BLZF1: variants seen among roughly 807,000 people sequenced by gnomAD.
The protein encoded by BLZF1 is basic leucine zipper nuclear factor 1.
In BLZF1, 39 loss-of-function variants were observed where a neutral mutation model predicts 43.8. The observed-to-expected ratio is 0.89, with a 90% CI of 0.69 to 1.16. BLZF1 has a LOEUF of 1.16. Ranked by LOEUF, BLZF1 falls within the 50% of genes most tolerant of loss-of-function variation. The pLI, the probability that BLZF1 is intolerant of heterozygous loss-of-function variation, is 0.00. For synonymous variants in BLZF1, 136 were observed against 159.4 expected (o/e 0.85, Z 1.11); for missense variants, 449 against 469.8 (o/e 0.96, Z 0.41).
Position 169,369,531 on chromosome 1 carries a change from T to G in BLZF1, c.9T>G (p.Thr3=). 1 of 1,610,280 alleles carries G rather than the reference T, an allele frequency of 6.2e-7. No homozygotes were observed. Among genetic ancestry groups the G allele is most frequent in the Non-Finnish European group, 8.5e-7 (1 of 1,177,614 alleles). Residue 3 remains threonine, a synonymous_variant, in exon 2 of 7, where the codon ACT becomes ACG. Transcript: ENST00000367808. The part of the protein sequence containing the change: MT[T]KNLETKVTVT... ...GTGGTTAAGGTGAAAAAATGACTAC[T>G]AAAAATTTAGAAACCAAAGGTAAGT...
intron 2 of BLZF1, 102 bp from the exon 3 acceptor site, chr1:169,376,437 CT>C (rs1345145183): frequency 2.1e-6 from 2 of 948,318 alleles, no homozygotes; most frequent in African/African-American, 1.7e-5. Context: ...TTTTTGCATT[CT>C]TTTTAGTGCC....
chr1:169,393,431 T>TA (rs1012787752), intron 7 of BLZF1, among the ~76,000 whole-genome samples: 11 of 149,118 alleles, frequency 7.4e-5, no homozygotes, highest in East Asian at 2.0e-4. Context: ...CTACTAAAAA[T>TA]AAAAAAAAAT....
intron 4 of BLZF1, 121 bp downstream of exon 4, chr1:169,378,650 C>A: frequency 1.2e-6 from 1 of 847,500 alleles, no homozygotes; most frequent in Non-Finnish European, 1.8e-6. Flanking sequence ...CAGAGTACTT[C>A]ATTTAAGATG....
chr1:169,394,671 G>A (rs528913250), intron 7 of BLZF1, among the ~76,000 whole-genome samples: 1 of 152,106 alleles, frequency 6.6e-6, no homozygotes, highest in Non-Finnish European at 1.5e-5. Context: ...CTTGAACCAG[G>A]CTTGTTTAAG....
chr1:169,382,258 C>G lies in BLZF1; in HGVS notation c.994C>G (p.Pro332Ala). 1 of 1,613,502 alleles carries G rather than the reference C, an allele frequency of 6.2e-7. No homozygotes were observed. Among genetic ancestry groups the G allele is most frequent in the South Asian group, 1.1e-5 (1 of 91,060 alleles). ...ATCAACAGTTGAATTCTGCAGCACC[C>G]CAGCTGAGAAAATGGCTGAAACGGT... is the stretch of plus-strand genomic sequence containing the variant. ...IPSTVEFCSTPAEKMAETVLR... is the reference protein window; with the variant it reads ...IPSTVEFCSTAAEKMAETVLR... The change falls in exon 6 of 7, where the codon CCA (proline) becomes GCA (alanine). Residue 332 changes from proline to alanine, a missense_variant. Transcript: ENST00000367808.
chr1:169,368,810 T>A (rs1482341630), intron 1 of BLZF1, among the ~76,000 whole-genome samples: 4 of 152,208 alleles, frequency 2.6e-5, no homozygotes, highest in African/African-American at 7.2e-5. Context: ...TTTTTTGTAG[T>A]GAAACCAGTT....
chr1:169,373,333 T>A (rs1331635600), intron 2 of BLZF1, among the ~76,000 whole-genome samples: 2 of 152,188 alleles, frequency 1.3e-5, no homozygotes, highest in East Asian at 1.9e-4. Context: ...AGGATTGGTG[T>A]TTTTCTTGAC....
intron 6 of BLZF1, among the ~76,000 whole-genome samples, chr1:169,382,582 G>T (rs548262797): frequency 2.6e-5 from 4 of 152,132 alleles, no homozygotes; most frequent in African/African-American, 9.7e-5. Flanking sequence ...AAACCACTGT[G>T]TAGAATTTTT....
intron 6 of BLZF1, among the ~76,000 whole-genome samples, chr1:169,386,019 G>A (rs1654657416): frequency 6.6e-6 from 1 of 152,146 alleles, no homozygotes; most frequent in Admixed American, 6.5e-5. Flanking sequence ...GGGAAAATAG[G>A]AACATGAGAA....
rs759375514 is a variant in BLZF1, at chr1:169,382,281, G to T, written c.1017G>T (p.Thr339=). 6.2e-7 allele frequency: 1 copy of T among 1,611,508 alleles called. No homozygotes were observed. The highest frequency in any genetic ancestry group is 8.5e-7 in the Non-Finnish European group (1 of 1,178,420). Residue 339 remains threonine (T), a splice_region_variant and synonymous_variant, in exon 6 of 7, where the codon ACG becomes ACT. Transcript: ENST00000367808. The part of the protein sequence containing the change: ...CSTPAEKMAE[T]VLRILDPVTC... Reference sequence around the variant, plus strand: ...CCCCAGCTGAGAAAATGGCTGAAACGGTAAAATATTTTCTTTTGTGATCTA... The same window carrying T: ...CCCCAGCTGAGAAAATGGCTGAAACTGTAAAATATTTTCTTTTGTGATCTA...
rs754141029 is a variant in BLZF1, at chr1:169,387,124, A to T, written c.1145A>T (p.Tyr382Phe). 3.1e-6 allele frequency: 5 copies of T among 1,613,464 alleles called. No individual in the cohort carries two copies. The East Asian group carries it at 1.1e-4, about 36-fold the overall frequency. The change falls in exon 7 of 7, where the codon TAT (tyrosine) becomes TTT (phenylalanine). Residue 382 changes from tyrosine (Y) to phenylalanine (F), a missense_variant. Tyr to Phe is a conservative substitution (Grantham distance 22). Coordinates refer to ENST00000367808, the MANE Select transcript of BLZF1 (RefSeq NM_001320973.2). Reference sequence around the variant, plus strand: ...GGACGATTTCATCCCTATACTAGATATGAAAATATAACTTTCAATTGCTGC... The same window carrying T: ...GGACGATTTCATCCCTATACTAGATTTGAAAATATAACTTTCAATTGCTGC... The part of the protein sequence containing the change: ...NIGRFHPYTR[Y>F]ENITFNCCNH...
chr1:169,380,549 C>T lies in BLZF1; in HGVS notation c.737C>T (p.Ala246Val), dbSNP rs60461695. ...LQRQNRDAHG[A>V]IQDLLSEREQ... is the part of the protein sequence containing the mutation. ...CGTCAAAACCGTGATGCACACGGGG[C>T]TATACAAGATCTCCTAAGTGAACGG... The change falls in exon 5 of 7, where the codon GCT (alanine) becomes GTT (valine). Residue 246 changes from alanine (A) to valine (V), a missense_variant. Physicochemically the swap from Ala to Val is moderately conservative, Grantham distance 64. Transcript: ENST00000367808. The T allele has an allele frequency of 6.2e-7, 1 of 1,612,908 alleles. No homozygotes were observed.
chr1:169,379,487 G>A (rs1654460862), intron 4 of BLZF1, among the ~76,000 whole-genome samples: 1 of 151,810 alleles, frequency 6.6e-6, no homozygotes, highest in Non-Finnish European at 1.5e-5. Context: ...CATTTTAAGA[G>A]GCAAATCATG....
chr1:169,371,620 C>T (rs1481637666), intron 2 of BLZF1, among the ~76,000 whole-genome samples: 1 of 152,158 alleles, frequency 6.6e-6, no homozygotes, highest in Non-Finnish European at 1.5e-5. Flanking sequence ...GGTATAGCAA[C>T]AGAACTTCCT....
At chr1:169,381,975 A>G (rs1483209768) in intron 5 of BLZF1, 87 bp from the exon 6 acceptor site, 1 of 998,382 alleles carries the variant, frequency 1.0e-6, no homozygotes, top group Non-Finnish European at 1.5e-6. Context: ...ATATAATTTC[A>G]GAAATATTTG....
At chr1:169,393,966 T>C (rs368761101) in intron 7 of BLZF1, among the ~76,000 whole-genome samples, 3 of 152,318 alleles carry the variant, frequency 2.0e-5, no homozygotes, top group South Asian at 4.1e-4. Flanking sequence ...ATCACACTTG[T>C]ATGCTTACCT....
chr1:169,376,813 C>A lies in BLZF1; in HGVS notation c.302C>A (p.Ser101Tyr), dbSNP rs143882259. ...CCCAACAAAAATACAAAGGTTAAGT[C>A]TCTGGGACATCATAAAGGAGAATTC... ...DIPNKNTKVK[S>Y]LGHHKGEFLG... Residue 101 changes from serine to tyrosine, a missense_variant, in exon 3 of 7, where the codon TCT becomes TAT. Coordinates refer to ENST00000367808, the MANE Select transcript of BLZF1 (RefSeq NM_001320973.2). The A allele has an allele frequency of 4.0e-4, 640 of 1,613,364 alleles. 2 individuals carry two copies. The African/African-American group carries it at 6.7e-3, about 17-fold the overall frequency.
chr1:169,369,174 A>C (rs1654012800), intron 1 of BLZF1, among the ~76,000 whole-genome samples: 1 of 152,190 alleles, frequency 6.6e-6, no homozygotes, highest in Admixed American at 6.5e-5. Context: ...AAACCACCAC[A>C]GTAACTTCAT....
intron 7 of BLZF1, among the ~76,000 whole-genome samples, chr1:169,395,487 C>T (rs1654968446): frequency 6.6e-6 from 1 of 152,132 alleles, no homozygotes; most frequent in Admixed American, 6.5e-5. Context: ...TTTATGTGTG[C>T]TGTAGATCCT....
Sources: gnomAD v4.1 joint callset for allele counts (sites outside exome capture counted in the v4.1 genomes callset) on GRCh38, gnomAD v4.1.1 for gene constraint, MANE v1.5 for transcripts, NCBI Gene and HGNC (gene_info 2026-07-23, HGNC 2026-07-21) for gene names.